TAFA2: variants seen among roughly 807,000 people sequenced by gnomAD.
The protein encoded by TAFA2 is TAFA chemokine like family member 2, also known as chemokine-like protein TAFA-2.
Under a neutral mutation model 18.8 loss-of-function variants are expected in TAFA2, and 7 were observed. That is an observed-to-expected ratio of 0.37 (90% CI 0.21 to 0.70). The LOEUF is 0.70. TAFA2 is among the 30% of genes least tolerant of loss of function. The probability of loss-of-function intolerance (pLI) is 0.53; values close to 1 mark genes in which losing one functional copy is unlikely to be tolerated. For synonymous variants in TAFA2, 60 were observed against 54.2 expected, an observed-to-expected ratio of 1.11 and a Z score of -0.47; for missense variants, 122 against 158.1, an observed-to-expected ratio of 0.77 and a Z score of 1.23.
chr12:61,907,472 A>G (rs1876409760), intron 1 of TAFA2, among the ~76,000 whole-genome samples: 1 of 152,174 alleles, frequency 6.6e-6, no homozygotes, highest in African/African-American at 2.4e-5. Context: ...GAGGTTTGGG[A>G]ACCTCCACCT....
At chr12:62,054,889 A>AT (rs918985093) in intron 1 of TAFA2, among the ~76,000 whole-genome samples, 5 of 152,160 alleles carry the variant, frequency 3.3e-5, no homozygotes, top group African/African-American at 4.8e-5. Context: ...TTAAAACAGT[A>AT]TTTTTTTATC....
At chr12:61,746,068 C>A (rs1481856502) in intron 4 of TAFA2, among the ~76,000 whole-genome samples, 1 of 152,036 alleles carries the variant, frequency 6.6e-6, no homozygotes, top group Non-Finnish European at 1.5e-5. Flanking sequence ...TGTCCCCACC[C>A]AAAATCTCAC....
At chr12:61,913,878 A>G (rs757409163) in intron 1 of TAFA2, among the ~76,000 whole-genome samples, 1 of 152,226 alleles carries the variant, frequency 6.6e-6, no homozygotes, top group African/African-American at 2.4e-5. Context: ...TCAACAGATC[A>G]CAACACTTGA....
At position 62,062,575 on chromosome 12, in the gene TAFA2, C is replaced by G. The variant is rs138207447; in HGVS notation, c.-2+128684G>C. Among the ~76,000 whole-genome samples the G allele has an allele frequency of 1.1e-3, 165 of 152,220 alleles. 1 individual carries two copies. The highest frequency in any genetic ancestry group is 3.4e-3 in the African/African-American group (142 of 41,548). On this transcript the variant is annotated intron_variant, in intron 1 of 4. Coordinates refer to ENST00000416284, the MANE Select transcript of TAFA2 (RefSeq NM_178539.5). The stretch of plus-strand genomic sequence containing the variant: ...TGACTTGCTTGGAACGGTATGGAGA[C>G]GTTAACACACCTGTATCCATTTTCT...
At chr12:62,212,113 G>C (rs1171433061) in intron 1 of TAFA2, among the ~76,000 whole-genome samples, 1 of 152,180 alleles carries the variant, frequency 6.6e-6, no homozygotes, top group East Asian at 1.9e-4. Flanking sequence ...ATTATCCTTT[G>C]TGATTCAAGA....
chr12:62,025,740 AT>A (rs1457752059), intron 1 of TAFA2, among the ~76,000 whole-genome samples: 2 of 152,156 alleles, frequency 1.3e-5, no homozygotes, highest in East Asian at 3.8e-4. Context: ...GCATCTAATA[AT>A]GAAAAAGATG....
At chr12:62,029,667 A>G (rs1049881467) in intron 1 of TAFA2, among the ~76,000 whole-genome samples, 1 of 152,146 alleles carries the variant, frequency 6.6e-6, no homozygotes, top group Admixed American at 6.6e-5. Context: ...AAGTGCAATC[A>G]CCCTGTACTT....
chr12:61,979,962 C>T (rs964489869), intron 1 of TAFA2, among the ~76,000 whole-genome samples: 19 of 152,134 alleles, frequency 1.2e-4, no homozygotes, highest in African/African-American at 4.6e-4. Flanking sequence ...TTTACCAGTG[C>T]TGTGTCCCAT....
At chr12:62,051,916 A>G (rs1461523546) in intron 1 of TAFA2, among the ~76,000 whole-genome samples, 2 of 152,156 alleles carry the variant, frequency 1.3e-5, no homozygotes, top group Non-Finnish European at 2.9e-5. Flanking sequence ...TGTAGTCCAT[A>G]TGGTCTCTGT....
intron 1 of TAFA2, among the ~76,000 whole-genome samples, chr12:61,928,775 T>A (rs766429051): frequency 2.0e-5 from 3 of 151,992 alleles, no homozygotes; most frequent in Admixed American, 2.0e-4. Flanking sequence ...CAAATGGCCA[T>A]CAATGATAGA....
chr12:62,099,781 C>A (rs1348080778), intron 1 of TAFA2, among the ~76,000 whole-genome samples: 1 of 152,204 alleles, frequency 6.6e-6, no homozygotes, highest in East Asian at 1.9e-4. Context: ...TGGGAAGTAT[C>A]CCCTTCACTT....
At chr12:62,142,331 G>A (rs1031070065) in intron 1 of TAFA2, among the ~76,000 whole-genome samples, 1 of 152,182 alleles carries the variant, frequency 6.6e-6, no homozygotes, top group African/African-American at 2.4e-5. Context: ...TGAATAGGAT[G>A]AGAATTATAA....
At chr12:62,060,386 T>C (rs1882312649) in intron 1 of TAFA2, among the ~76,000 whole-genome samples, 2 of 152,230 alleles carry the variant, frequency 1.3e-5, no homozygotes, top group Admixed American at 1.3e-4. Flanking sequence ...CCTAGATCAA[T>C]GCATTACTCA....
At chr12:62,237,635 A>T (rs757335179) in intron 1 of TAFA2, among the ~76,000 whole-genome samples, 3 of 152,146 alleles carry the variant, frequency 2.0e-5, no homozygotes, top group Non-Finnish European at 4.4e-5. Flanking sequence ...AGAATAATTT[A>T]TTCTAGTCTT....
intron 4 of TAFA2, among the ~76,000 whole-genome samples, chr12:61,744,955 C>A (rs1438583186): frequency 6.6e-6 from 1 of 152,020 alleles, no homozygotes; most frequent in Non-Finnish European, 1.5e-5. Context: ...TATATTAATC[C>A]ATTTTGTCCA....
At position 61,734,272 on chromosome 12, in the gene TAFA2, C is replaced by A. The variant is rs193195285; in HGVS notation, c.384+19350G>T. Among the ~76,000 whole-genome samples the A allele has an allele frequency of 5.8e-3, 862 of 149,680 alleles. 7 individuals are homozygous for A. The highest frequency in any genetic ancestry group is 0.02 in the African/African-American group (818 of 40,636). On this transcript the variant is annotated intron_variant, in intron 4 of 4. Coordinates refer to ENST00000416284, the MANE Select transcript of TAFA2 (RefSeq NM_178539.5). ...AGTAAACTATCGCAAGGACAAAAAA[C>A]CAAATACCGCATGTTCTCACTCATA...
intron 1 of TAFA2, chr12:62,206,772 C>T: frequency 6.6e-6 from 1 of 152,192 alleles, no homozygotes; most frequent in East Asian, 1.9e-4. Context: ...GCCACTGTGC[C>T]CAGCCCACTA....
intron 2 of TAFA2, among the ~76,000 whole-genome samples, chr12:61,856,953 A>G (rs992790696): frequency 1.3e-4 from 20 of 151,718 alleles, no homozygotes; most frequent in African/African-American, 1.4e-4. Flanking sequence ...AGTAAGACAC[A>G]AATCTATAAA....
intron 1 of TAFA2, among the ~76,000 whole-genome samples, chr12:62,122,332 G>T (rs992178765): frequency 2.0e-5 from 3 of 152,166 alleles, no homozygotes; most frequent in African/African-American, 7.2e-5. Context: ...TAGTCTAGAT[G>T]AAACCCAGGA....
Sources: gnomAD v4.1 joint callset for allele counts (sites outside exome capture counted in the v4.1 genomes callset) on GRCh38, gnomAD v4.1.1 for gene constraint, MANE v1.5 for transcripts, NCBI Gene and HGNC (gene_info 2026-07-23, HGNC 2026-07-21) for gene names.